The following ABCD3 variants were observed in gnomAD, a reference collection of about 807,000 sequenced individuals.
ABCD3 encodes the protein ATP-binding cassette sub-family D member 3.
ABCD3 carries 41 observed loss-of-function variants against 105.5 expected under a neutral mutation model. The ratio of observed to expected loss-of-function variants is 0.39; its 90% confidence interval spans 0.30 to 0.50. The LOEUF (loss-of-function observed/expected upper bound fraction) is 0.50. ABCD3 is among the 20% of genes least tolerant of loss of function. The pLI is 0.84. For missense variants in ABCD3, 622 were observed against 806.3 expected, an observed-to-expected ratio of 0.77 and a Z score of 2.77; for synonymous variants, 258 against 269.0, an observed-to-expected ratio of 0.96 and a Z score of 0.40.
chr1:94,504,990 C>G (rs1650278814), intron 20 of ABCD3, among the ~76,000 whole-genome samples: 1 of 152,036 alleles, frequency 6.6e-6, no homozygotes, highest in Admixed American at 6.6e-5. Flanking sequence ...AAGGACCAGA[C>G]CAGGGAGGAC....
intron 1 of ABCD3, among the ~76,000 whole-genome samples, chr1:94,447,205 G>A (rs754782600): frequency 3.3e-5 from 5 of 152,140 alleles, no homozygotes; most frequent in African/African-American, 4.8e-5. Flanking sequence ...AGAGAACGTC[G>A]TTAATAAACA....
chr1:94,401,058 A>C, the ABCD3 span, among the ~76,000 whole-genome samples: 1 of 152,222 alleles, frequency 6.6e-6, no homozygotes, highest in African/African-American at 2.4e-5. Context: ...CCCCACTAGC[A>C]AGAAAGCTCT....
At chr1:94,481,266 CTGTTAA>C (rs1310578246) in intron 9 of ABCD3, among the ~76,000 whole-genome samples, 11 of 152,158 alleles carry the variant, frequency 7.2e-5, no homozygotes, top group African/African-American at 2.4e-4. Context: ...ATATATTGAT[CTGTTAA>C]TGTTAAGTCA....
chr1:94,509,540 C>T (rs1650550612), intron 21 of ABCD3, among the ~76,000 whole-genome samples: 1 of 152,112 alleles, frequency 6.6e-6, no homozygotes. Context: ...TTTCTATTGA[C>T]TGGAATAGTT....
At position 94,517,320 on chromosome 1, in the gene ABCD3, T is replaced by C. The variant is rs1650965019; in HGVS notation, c.*191T>C. Reference sequence around the variant, plus strand: ...TAATATTATATAGGATATTGCTAATTGTGTATATGTTGGTTTAATTAATAA... The same window carrying C: ...TAATATTATATAGGATATTGCTAATCGTGTATATGTTGGTTTAATTAATAA... On this transcript the variant is annotated 3_prime_UTR_variant, in exon 23 of 23. Transcript: ENST00000370214. The C allele has an allele frequency of 3.8e-6, 2 of 527,950 alleles. No homozygotes were observed. The highest frequency in any genetic ancestry group is 4.1e-5 in the South Asian group (2 of 48,848). The allele number at this position is 527,950 out of a possible 1,614,324, so 32.7% of individuals were successfully genotyped here. A position where few individuals can be genotyped will look rare whatever the true frequency, so the allele number is the denominator to read the frequency against.
At position 94,499,403 on chromosome 1, in the gene ABCD3, A is replaced by T. The variant is rs745655979; in HGVS notation, c.1621-92A>T. 4.0e-4 allele frequency: 542 copies of T among 1,339,650 alleles called. 1 individual carries two copies. The highest frequency in any genetic ancestry group is 5.6e-4 in the Non-Finnish European group (522 of 940,078). The allele number at this position is 1,339,650 out of a possible 1,614,324, so 83.0% of individuals were successfully genotyped here. On this transcript the variant is annotated intron_variant, in intron 19 of 22. Coordinates refer to ENST00000370214, the MANE Select transcript of ABCD3 (RefSeq NM_002858.4). ...ATCTTTTAAGTGGTACAGACAATAG[A>T]ATTATAGTGATTCCAGTTTAAAAAA... is the stretch of plus-strand genomic sequence containing the variant.
intron 1 of ABCD3, among the ~76,000 whole-genome samples, chr1:94,440,200 T>A (rs1191166776): frequency 6.6e-6 from 1 of 152,256 alleles, no homozygotes; most frequent in Non-Finnish European, 1.5e-5. Context: ...ACTATCCCAT[T>A]GTTTGCTTTT....
chr1:94,419,815 T>G (rs1173842490), intron 1 of ABCD3, among the ~76,000 whole-genome samples: 1 of 152,234 alleles, frequency 6.6e-6, no homozygotes, highest in Non-Finnish European at 1.5e-5. Flanking sequence ...GAAAATGATT[T>G]GCAGCATAGT....
intron 1 of ABCD3, 112 bp from the exon 2 acceptor site, chr1:94,458,495 A>T: frequency 1.0e-6 from 1 of 970,520 alleles, no homozygotes; most frequent in Non-Finnish European, 1.6e-6. Context: ...CTATGATGTG[A>T]AAAAGAAGAA....
intron 1 of ABCD3, among the ~76,000 whole-genome samples, chr1:94,440,029 T>A (rs2100911152): frequency 6.6e-6 from 1 of 152,332 alleles, no homozygotes; most frequent in South Asian, 2.1e-4. Flanking sequence ...CCACTGTGCC[T>A]GGCTAGCATT....
chr1:94,478,336 A>C, intron 8 of ABCD3, 21 bp downstream of exon 8: 1 of 1,560,300 alleles, frequency 6.4e-7, no homozygotes, highest in Non-Finnish European at 8.8e-7. Flanking sequence ...TTTTATTTCA[A>C]CTTTTAAATT....
intron 21 of ABCD3, among the ~76,000 whole-genome samples, chr1:94,507,217 A>G (rs1330449398): frequency 6.8e-6 from 1 of 147,544 alleles, no homozygotes. Context: ...TTCAATTCCC[A>G]CCTATGAGTG....
Position 94,516,898 on chromosome 1 carries a change from T to C in ABCD3, c.1903-154T>C, listed in dbSNP as rs191073352. On this transcript the variant is annotated intron_variant, in intron 22 of 22. Transcript: ENST00000370214. ...TTTAACCTACTGGTAGCTGAGATCCTTGGTCATGGAGTTACGGAAGCATTC... is the reference window on the plus strand; with the variant it reads ...TTTAACCTACTGGTAGCTGAGATCCCTGGTCATGGAGTTACGGAAGCATTC... 5.9e-5 allele frequency among the ~76,000 whole-genome samples: 9 copies of C among 152,032 alleles called. No individual in the cohort carries two copies. The East Asian group carries it at 9.7e-4, about 16-fold the overall frequency.
At chr1:94,496,213 T>C (rs1649791223) in intron 16 of ABCD3, among the ~76,000 whole-genome samples, 1 of 152,148 alleles carries the variant, frequency 6.6e-6, no homozygotes, top group Non-Finnish European at 1.5e-5. Flanking sequence ...TCATCCCAAA[T>C]AGAAACTCTG....
chr1:94,412,323 A>G, the ABCD3 span, among the ~76,000 whole-genome samples: 1 of 152,290 alleles, frequency 6.6e-6, no homozygotes, highest in East Asian at 1.9e-4. Context: ...TTTTCCAAAG[A>G]TATTTTATTC....
chr1:94,427,035 C>T (rs546414908), intron 1 of ABCD3, among the ~76,000 whole-genome samples: 2 of 152,220 alleles, frequency 1.3e-5, no homozygotes, highest in African/African-American at 4.8e-5. Context: ...TATGTTTACA[C>T]CACTATAATC....
intron 2 of ABCD3, among the ~76,000 whole-genome samples, chr1:94,463,717 T>G (rs1647992820): frequency 6.6e-6 from 1 of 152,128 alleles, no homozygotes; most frequent in Non-Finnish European, 1.5e-5. Context: ...GTTTAGTACT[T>G]CCATTTTCAT....
chr1:94,417,466 G>T (rs944577632), upstream of ABCD3, among the ~76,000 whole-genome samples: 7 of 152,302 alleles, frequency 4.6e-5, no homozygotes, highest in Middle Eastern at 0.01. Flanking sequence ...TATATGCTAG[G>T]CTCAATGCTG....
At chr1:94,402,871 T>G in the ABCD3 span, among the ~76,000 whole-genome samples, 1 of 152,006 alleles carries the variant, frequency 6.6e-6, no homozygotes, top group Non-Finnish European at 1.5e-5. Flanking sequence ...GTTACATATG[T>G]ATACGTGTGC....
Sources: gnomAD v4.1 joint callset for allele counts (sites outside exome capture counted in the v4.1 genomes callset) on GRCh38, gnomAD v4.1.1 for gene constraint, MANE v1.5 for transcripts, NCBI Gene and HGNC (gene_info 2026-07-23, HGNC 2026-07-21) for gene names.